ARHGAP10: variants seen among roughly 807,000 people sequenced by gnomAD.
ARHGAP10 encodes rho GTPase-activating protein 10.
A neutral mutation model predicts 108.6 loss-of-function variants in ARHGAP10; 87 were observed. The ratio of observed to expected loss-of-function variants is 0.80; its 90% CI spans 0.67 to 0.96. ARHGAP10 has a LOEUF of 0.96. Among genes scored for constraint, ARHGAP10 ranks in the 40% least tolerant of loss-of-function variants. The probability of loss-of-function intolerance (pLI) is 0.00; values close to 1 mark genes in which losing one functional copy is unlikely to be tolerated. For missense variants in ARHGAP10, 939 were observed against 954.5 expected (o/e 0.98, Z 0.21); for synonymous variants, 347 against 341.1 (o/e 1.02, Z -0.19).
At chr4:147,785,050 C>G (rs1367632900) in intron 1 of ARHGAP10, among the ~76,000 whole-genome samples, 1 of 121,902 alleles carries the variant, frequency 8.2e-6, no homozygotes, top group Admixed American at 1.0e-4. Flanking sequence ...GCAGTTGATT[C>G]CAAGATGATG....
At chr4:148,018,376 T>C (rs1446943251) in intron 18 of ARHGAP10, among the ~76,000 whole-genome samples, 1 of 152,138 alleles carries the variant, frequency 6.6e-6, no homozygotes, top group Non-Finnish European at 1.5e-5. Context: ...TTTGTGTATA[T>C]ATTATATACA....
At chr4:147,766,824 A>ATT (rs1274182691) in intron 1 of ARHGAP10, among the ~76,000 whole-genome samples, 2 of 12,578 alleles carry the variant, frequency 1.6e-4, no homozygotes, top group African/African-American at 1.8e-4. Context: ...ATATATATAT[A>ATT]TATATATATA....
chr4:147,906,561 T>G, intron 10 of ARHGAP10, 77 bp from the exon 11 acceptor site: 2 of 1,438,168 alleles, frequency 1.4e-6, no homozygotes, highest in Admixed American at 3.6e-5. Flanking sequence ...AAAAAATGGT[T>G]ACAACAGTTA....
chr4:147,991,414 T>C (rs771946877), intron 18 of ARHGAP10, among the ~76,000 whole-genome samples: 1 of 152,164 alleles, frequency 6.6e-6, no homozygotes, highest in Non-Finnish European at 1.5e-5. Context: ...CTCATGTTTT[T>C]TCCCAGGAGG....
chr4:148,011,760 G>A (rs1170219566), intron 18 of ARHGAP10, among the ~76,000 whole-genome samples: 1 of 152,122 alleles, frequency 6.6e-6, no homozygotes, highest in East Asian at 1.9e-4. Flanking sequence ...TGTAAATATA[G>A]CCATTTTCTC....
intron 18 of ARHGAP10, among the ~76,000 whole-genome samples, chr4:147,979,143 G>C (rs1175653844): frequency 6.6e-6 from 1 of 152,146 alleles, no homozygotes; most frequent in African/African-American, 2.4e-5. Flanking sequence ...CTATCTGGAA[G>C]AGTATTTCCT....
intron 7 of ARHGAP10, among the ~76,000 whole-genome samples, chr4:147,874,304 C>G (rs1560803261): frequency 6.6e-6 from 1 of 152,156 alleles, no homozygotes; most frequent in Non-Finnish European, 1.5e-5. Flanking sequence ...GTGGTGCTGA[C>G]TCGTCACAAT....
intron 1 of ARHGAP10, among the ~76,000 whole-genome samples, chr4:147,812,107 G>A (rs1579073465): frequency 1.3e-5 from 2 of 152,172 alleles, no homozygotes; most frequent in South Asian, 4.1e-4. Context: ...TGCATAGCAG[G>A]CATGCCTTGG....
chr4:147,967,645 C>A (rs1739254158), intron 18 of ARHGAP10, among the ~76,000 whole-genome samples: 2 of 152,194 alleles, frequency 1.3e-5, no homozygotes, highest in South Asian at 4.1e-4. Context: ...CTGTTATTTT[C>A]TCCTTGATTA....
chr4:147,965,206 G>C, intron 17 of ARHGAP10, 77 bp downstream of exon 17: 1 of 1,098,128 alleles, frequency 9.1e-7, no homozygotes, highest in Non-Finnish European at 1.3e-6. Context: ...TTTGTGACGG[G>C]TGGAACTGGG....
intron 18 of ARHGAP10, among the ~76,000 whole-genome samples, chr4:148,013,687 CA>C (rs998908947): frequency 6.6e-6 from 1 of 151,132 alleles, no homozygotes; most frequent in African/African-American, 2.4e-5. Flanking sequence ...GACTCCATCT[CA>C]AAAAAAAGGA....
At chr4:148,004,312 A>G (rs1265804768) in intron 18 of ARHGAP10, among the ~76,000 whole-genome samples, 22 of 152,254 alleles carry the variant, frequency 1.4e-4, no homozygotes, top group Non-Finnish European at 5.9e-5. Flanking sequence ...CTTTTAATGC[A>G]AAAGTCAGAA....
At chr4:148,036,880 G>T (rs1407004424) in intron 19 of ARHGAP10, among the ~76,000 whole-genome samples, 1 of 152,158 alleles carries the variant, frequency 6.6e-6, no homozygotes, top group African/African-American at 2.4e-5. Flanking sequence ...GGTAGATGAG[G>T]TCCTGGAACA....
chr4:147,791,936 C>G (rs1306483087), intron 1 of ARHGAP10, among the ~76,000 whole-genome samples: 1 of 152,156 alleles, frequency 6.6e-6, no homozygotes, highest in Admixed American at 6.6e-5. Flanking sequence ...TGGAGTGTTT[C>G]CAAATTTTCA....
At chr4:147,906,358 T>G (rs180916736) in intron 10 of ARHGAP10, among the ~76,000 whole-genome samples, 8 of 152,214 alleles carry the variant, frequency 5.3e-5, no homozygotes, top group Non-Finnish European at 1.0e-4. Context: ...TAGGCTTTTA[T>G]GTAGCAATTG....
chr4:147,977,876 G>A (rs1473630145), intron 18 of ARHGAP10, among the ~76,000 whole-genome samples: 1 of 151,558 alleles, frequency 6.6e-6, no homozygotes, highest in South Asian at 2.1e-4. Context: ...GTAAACCCAA[G>A]ATTTAGCTTC....
chr4:147,760,298 G>A lies in ARHGAP10; in HGVS notation c.154+27843G>A, dbSNP rs551392446. ...CACAATAACTGAAGGAGGTAAGTGCGTCGGGTTACAATATCCAGTTAGTAT... is the reference window on the plus strand; with the variant it reads ...CACAATAACTGAAGGAGGTAAGTGCATCGGGTTACAATATCCAGTTAGTAT... On this transcript the variant is annotated intron_variant, in intron 1 of 22. Transcript: ENST00000336498. Among the ~76,000 whole-genome samples, 55 of 152,308 alleles carry A rather than the reference G, an allele frequency of 3.6e-4. 1 individual carries two copies. In the South Asian group the frequency reaches 0.01, roughly 29 times the overall value.
intron 21 of ARHGAP10, among the ~76,000 whole-genome samples, chr4:148,064,023 CCTT>C (rs1163562801): frequency 5.3e-5 from 8 of 152,212 alleles, no homozygotes; most frequent in Non-Finnish European, 1.0e-4. Flanking sequence ...TGTGCCGCCT[CCTT>C]CTGCCGGCTG....
intron 18 of ARHGAP10, among the ~76,000 whole-genome samples, chr4:147,993,853 G>A (rs1199986009): frequency 3.3e-5 from 5 of 152,206 alleles, no homozygotes; most frequent in Admixed American, 6.5e-5. Flanking sequence ...TTGGGGGAGA[G>A]GGTAGGCATT....
Sources: gnomAD v4.1 joint callset for allele counts (sites outside exome capture counted in the v4.1 genomes callset) on GRCh38, gnomAD v4.1.1 for gene constraint, MANE v1.5 for transcripts, NCBI Gene and HGNC (gene_info 2026-07-23, HGNC 2026-07-21) for gene names.